The following PIGL variants were observed in gnomAD, a reference collection of about 807,000 sequenced individuals.
PIGL encodes phosphatidylinositol glycan anchor biosynthesis class L, also known as N-acetylglucosaminyl-phosphatidylinositol de-N-acetylase.
PIGL carries 22 observed loss-of-function variants against 31.1 expected under a neutral mutation model. That is an observed-to-expected ratio of 0.71 (90% CI 0.51 to 1.01). The LOEUF is 1.01. PIGL is among the 50% of genes least tolerant of loss of function. PIGL has a pLI of 0.00. For missense variants in PIGL, 302 were observed against 315.9 expected (o/e 0.96, Z 0.33); for synonymous variants, 131 against 117.4 (o/e 1.12, Z -0.75).
intron 2 of PIGL, among the ~76,000 whole-genome samples, chr17:16,239,038 C>T (rs973881992): frequency 2.0e-5 from 3 of 151,466 alleles, no homozygotes; most frequent in Admixed American, 6.6e-5. Flanking sequence ...CCACCTTGCC[C>T]GACCTGAAAA....
intron 1 of PIGL, among the ~76,000 whole-genome samples, chr17:16,225,669 C>A (rs1348470913): frequency 1.3e-5 from 2 of 150,968 alleles, no homozygotes; most frequent in South Asian, 2.1e-4. Flanking sequence ...GTTTTTTGCA[C>A]GTGTTTCTTA....
intron 2 of PIGL, among the ~76,000 whole-genome samples, chr17:16,286,830 C>G (rs992479510): frequency 6.6e-6 from 1 of 152,140 alleles, no homozygotes; most frequent in Non-Finnish European, 1.5e-5. Context: ...GCTTCAATAG[C>G]CACTGACTGA....
chr17:16,225,632 G>T (rs1402662281), intron 1 of PIGL, among the ~76,000 whole-genome samples: 1 of 150,104 alleles, frequency 6.7e-6, no homozygotes, highest in Non-Finnish European at 1.5e-5. Context: ...CTGGCCTTTT[G>T]TTTTCTTTTG....
At chr17:16,307,994 G>A (rs1410548030) in intron 3 of PIGL, among the ~76,000 whole-genome samples, 1 of 150,988 alleles carries the variant, frequency 6.6e-6, no homozygotes, top group African/African-American at 2.4e-5. Flanking sequence ...TGGATGCAGT[G>A]GCTCACTATT....
intron 2 of PIGL, among the ~76,000 whole-genome samples, chr17:16,247,950 C>T (rs931918543): frequency 4.4e-4 from 67 of 152,082 alleles, no homozygotes; most frequent in African/African-American, 1.3e-3. Context: ...TACAGTGGCA[C>T]GATCTCAGCT....
intron 2 of PIGL, among the ~76,000 whole-genome samples, chr17:16,258,087 G>A (rs1600788304): frequency 7.6e-6 from 1 of 131,640 alleles, no homozygotes; most frequent in Admixed American, 7.8e-5. Context: ...GAGAGAGAGA[G>A]AGAGAGAGAG....
intron 2 of PIGL, among the ~76,000 whole-genome samples, chr17:16,294,239 A>G (rs561466007): frequency 4.5e-4 from 69 of 152,238 alleles, no homozygotes; most frequent in Non-Finnish European, 7.3e-5. Context: ...GCCAGGTCAC[A>G]TGGAAAGCAG....
intron 6 of PIGL, among the ~76,000 whole-genome samples, chr17:16,320,250 G>GAAGGAAGGAAGC (rs1251166161): frequency 2.4e-5 from 2 of 82,540 alleles, no homozygotes; most frequent in African/African-American, 9.7e-5. Flanking sequence ...AGGAAGGAAG[G>GAAGGAAGGAAGC]AAAGGAGGGA....
chr17:16,238,941 C>T (rs2092711369), intron 2 of PIGL, among the ~76,000 whole-genome samples: 1 of 144,696 alleles, frequency 6.9e-6, no homozygotes, highest in Non-Finnish European at 1.5e-5. Context: ...CGGGGTTTCG[C>T]CATGTTGGCC....
intron 2 of PIGL, among the ~76,000 whole-genome samples, chr17:16,236,351 T>C (rs1247355640): frequency 6.6e-6 from 1 of 152,172 alleles, no homozygotes. Context: ...CCAGAGAGTC[T>C]CTCCATGTTG....
At chr17:16,301,287 CAG>C (rs1418686641) in intron 3 of PIGL, among the ~76,000 whole-genome samples, 7 of 151,434 alleles carry the variant, frequency 4.6e-5, no homozygotes, top group African/African-American at 1.7e-4. Context: ...TTTTCTGAGA[CAG>C]AGTTTCCCTC....
At chr17:16,221,643 T>G (rs2092629828) in intron 1 of PIGL, among the ~76,000 whole-genome samples, 1 of 151,502 alleles carries the variant, frequency 6.6e-6, no homozygotes, top group Non-Finnish European at 1.5e-5. Flanking sequence ...TGTTTTGTTT[T>G]GAGTCTAGCT....
Position 16,317,826 on chromosome 17 carries a change from C to G in PIGL, c.578C>G (p.Ser193Cys). ...QSVNVLRKYISLLDLPLSLLH... is the reference protein window; with the variant it reads ...QSVNVLRKYICLLDLPLSLLH... Reference sequence around the variant, plus strand: ...GTGAATGTGCTGCGCAAGTACATCTCCCTTCTGGATCTGCCCTTGTCTCTG... The same window carrying G: ...GTGAATGTGCTGCGCAAGTACATCTGCCTTCTGGATCTGCCCTTGTCTCTG... The change falls in exon 6 of 7, where the codon TCC becomes TGC. Residue 193 changes from serine to cysteine, a missense_variant. Ser to Cys is a moderately radical substitution (Grantham distance 112). Transcript: ENST00000225609. 6.2e-7 allele frequency: 1 copy of G among 1,614,160 alleles called. No individual in the cohort carries two copies. The highest frequency in any genetic ancestry group is 2.2e-5 in the East Asian group (1 of 44,880).
At chr17:16,252,137 A>G (rs2142729415) in intron 2 of PIGL, among the ~76,000 whole-genome samples, 1 of 146,984 alleles carries the variant, frequency 6.8e-6, no homozygotes, top group South Asian at 2.1e-4. Flanking sequence ...GCAGTGGTGC[A>G]ATCTCGGCTC....
At chr17:16,259,906 G>GC (rs2092812257) in intron 2 of PIGL, among the ~76,000 whole-genome samples, 1 of 152,190 alleles carries the variant, frequency 6.6e-6, no homozygotes. Context: ...GAAGCCCCCT[G>GC]CCCCCACAGG....
chr17:16,293,575 A>G (rs2092969701), intron 2 of PIGL, among the ~76,000 whole-genome samples: 1 of 152,368 alleles, frequency 6.6e-6, no homozygotes, highest in Middle Eastern at 3.4e-3. Context: ...GCTTACATGC[A>G]TCAGCCCCCA....
At chr17:16,302,736 A>T (rs1422001065) in intron 3 of PIGL, among the ~76,000 whole-genome samples, 1 of 151,998 alleles carries the variant, frequency 6.6e-6, no homozygotes, top group Non-Finnish European at 1.5e-5. Context: ...AGTAGCTGGG[A>T]CTACAGGTGC....
At chr17:16,269,196 C>T (rs2092858957) in intron 2 of PIGL, among the ~76,000 whole-genome samples, 1 of 152,236 alleles carries the variant, frequency 6.6e-6, no homozygotes. Context: ...AGTAACTTCT[C>T]AAAGGTACAC....
chr17:16,227,243 G>A (rs2092655979), intron 1 of PIGL, among the ~76,000 whole-genome samples: 1 of 151,102 alleles, frequency 6.6e-6, no homozygotes, highest in African/African-American at 2.4e-5. Flanking sequence ...CAAGTAGCTG[G>A]GATTACAGGC....
Sources: allele counts gnomAD v4.1 joint callset (sites outside exome capture counted in the v4.1 genomes callset), GRCh38; gene constraint gnomAD v4.1.1; transcripts MANE v1.5; gene names NCBI Gene and HGNC (gene_info 2026-07-23, HGNC 2026-07-21).